The following COMMD10 variants were observed in gnomAD, a reference collection of about 807,000 sequenced individuals.
COMMD10 encodes COMM domain containing 10, also known as COMM domain-containing protein 10.
Under a neutral mutation model 28.9 loss-of-function variants are expected in COMMD10, and 33 were observed. The observed-to-expected ratio is 1.14, with a 90% CI of 0.87 to 1.53. The LOEUF is 1.53. COMMD10 is among the 40% of genes most tolerant of loss of function. The pLI, the probability that COMMD10 is intolerant of heterozygous loss-of-function variation, is 0.00. For synonymous variants in COMMD10, 110 were observed against 81.7 expected (o/e 1.35, Z -1.87); for missense variants, 310 against 233.4 (o/e 1.33, Z -2.14).
At chr5:116,206,092 T>G (rs976207475) in intron 5 of COMMD10, among the ~76,000 whole-genome samples, 1 of 152,226 alleles carries the variant, frequency 6.6e-6, no homozygotes, top group Non-Finnish European at 1.5e-5. Flanking sequence ...TGAAATATCT[T>G]CAGATCAAAC....
At chr5:116,104,006 A>G (rs573164281) in intron 4 of COMMD10, among the ~76,000 whole-genome samples, 11 of 152,236 alleles carry the variant, frequency 7.2e-5, no homozygotes, top group South Asian at 6.2e-4. Flanking sequence ...CCATTGGTCT[A>G]TATGTCTGTA....
chr5:116,233,815 G>A (rs1749589466), intron 5 of COMMD10, among the ~76,000 whole-genome samples: 2 of 152,088 alleles, frequency 1.3e-5, no homozygotes, highest in South Asian at 4.1e-4. Context: ...GGTGAGAGGG[G>A]TGTGGTAGGA....
At chr5:116,111,076 A>G (rs928150569) in intron 4 of COMMD10, among the ~76,000 whole-genome samples, 1 of 152,228 alleles carries the variant, frequency 6.6e-6, no homozygotes. Flanking sequence ...GTAGTTGTTC[A>G]TAATAGTCTC....
chr5:116,279,490 G>A (rs956255435), intron 5 of COMMD10, among the ~76,000 whole-genome samples: 2 of 151,742 alleles, frequency 1.3e-5, no homozygotes, highest in African/African-American at 2.4e-5. Context: ...CTTAAAGAAT[G>A]GGGACATTCC....
chr5:116,262,573 T>G (rs1027623505), intron 5 of COMMD10, among the ~76,000 whole-genome samples: 7 of 151,844 alleles, frequency 4.6e-5, no homozygotes, highest in African/African-American at 1.7e-4. Flanking sequence ...TCAAGTACAT[T>G]AATTATGTTT....
At chr5:116,124,027 T>G (rs1353483725) in intron 4 of COMMD10, among the ~76,000 whole-genome samples, 1 of 152,140 alleles carries the variant, frequency 6.6e-6, no homozygotes. Flanking sequence ...GGTTTCTGGA[T>G]TCATTGATGT....
In COMMD10 at chr5:116,103,899, A is replaced by G. The variant is rs149119597; in HGVS notation, c.399+11199A>G. Among the ~76,000 whole-genome samples the G allele has an allele frequency of 2.8e-3, 422 of 152,314 alleles. 1 individual carries two copies. Among genetic ancestry groups the G allele is most frequent in the Non-Finnish European group, 4.4e-3 (297 of 68,022 alleles). On this transcript the variant is annotated intron_variant, in intron 4 of 6. Coordinates refer to ENST00000274458, the MANE Select transcript of COMMD10 (RefSeq NM_016144.4). ...TAGTTTTCCCAGCACCATTTATTAC[A>G]TAGGGAATCCCTTCCCCATTTCTTG... is the stretch of plus-strand genomic sequence containing the variant.
intron 5 of COMMD10, among the ~76,000 whole-genome samples, chr5:116,152,047 G>GT (rs1018491554): frequency 1.4e-4 from 21 of 152,224 alleles, no homozygotes; most frequent in African/African-American, 4.8e-4. Context: ...AGAGATTCTG[G>GT]TATGTTGTGT....
At position 116,287,435 on chromosome 5, in the gene COMMD10, T is replaced by G. The variant is rs559680842; in HGVS notation, c.511-4082T>G. On this transcript the variant is annotated intron_variant, in intron 5 of 6. Transcript: ENST00000274458. ...TTACCATTTACACGGGATATCTTTTTCCATCCTTTCACTTTCAGCCTATGT... is the reference window on the plus strand; with the variant it reads ...TTACCATTTACACGGGATATCTTTTGCCATCCTTTCACTTTCAGCCTATGT... Among the ~76,000 whole-genome samples, 5 of 151,952 alleles carry G rather than the reference T, an allele frequency of 3.3e-5. No homozygotes were observed. The South Asian group carries it at 1.0e-3, about 32-fold the overall frequency.
At chr5:116,100,642 C>G (rs1750629579) in intron 4 of COMMD10, among the ~76,000 whole-genome samples, 1 of 147,622 alleles carries the variant, frequency 6.8e-6, no homozygotes, top group African/African-American at 2.5e-5. Context: ...CTTTTTATCT[C>G]TTATTGTTTA....
intron 5 of COMMD10, among the ~76,000 whole-genome samples, chr5:116,282,103 C>A (rs565292260): frequency 6.6e-6 from 1 of 151,980 alleles, no homozygotes; most frequent in African/African-American, 2.4e-5. Context: ...TGGATCCTGC[C>A]CTTCTTCAGA....
At position 116,226,202 on chromosome 5, in the gene COMMD10, A is replaced by G. The variant is rs576289792; in HGVS notation, c.511-65315A>G. Among the ~76,000 whole-genome samples the G allele has an allele frequency of 5.9e-5, 9 of 151,942 alleles. No individual in the cohort carries two copies. The South Asian group carries it at 1.2e-3, about 21-fold the overall frequency. ...TCAAGTAGTTTGTTTGCTTTAATCT[A>G]GTATCTTATTATTGGTATCTCTGGG... On this transcript the variant is annotated intron_variant, in intron 5 of 6. Coordinates refer to ENST00000274458, the MANE Select transcript of COMMD10 (RefSeq NM_016144.4).
chr5:116,188,197 G>C (rs1016352722), intron 5 of COMMD10, among the ~76,000 whole-genome samples: 12 of 152,104 alleles, frequency 7.9e-5, no homozygotes, highest in African/African-American at 2.4e-4. Context: ...TCTGTGACCT[G>C]TCATGATCAA....
intron 4 of COMMD10, among the ~76,000 whole-genome samples, chr5:116,121,762 G>A (rs1214536491): frequency 6.6e-6 from 1 of 152,172 alleles, no homozygotes; most frequent in African/African-American, 2.4e-5. Context: ...TGTGTCTGTT[G>A]GCTGTGTAGA....
Position 116,291,539 on chromosome 5 carries a change from A to T in COMMD10, c.533A>T (p.Glu178Val), listed in dbSNP as rs751467892. 6.2e-7 allele frequency: 1 copy of T among 1,602,710 alleles called. No individual in the cohort carries two copies. The highest frequency in any genetic ancestry group is 8.5e-7 in the Non-Finnish European group (1 of 1,173,908). The change falls in exon 6 of 7, where the codon GAA becomes GTA. Residue 178 changes from glutamate to valine, a missense_variant. By Grantham distance (121) the Glu-to-Val change is moderately radical. Coordinates refer to ENST00000274458, the MANE Select transcript of COMMD10 (RefSeq NM_016144.4). ...CAGAGCCTGGAGAAAGTTCTTGTGGAATTCAGTCACAAGGAGTTGTTTGAT... is the reference window on the plus strand; with the variant it reads ...CAGAGCCTGGAGAAAGTTCTTGTGGTATTCAGTCACAAGGAGTTGTTTGAT... ...DSKSLEKVLVEFSHKELFDFY... is the reference protein window; with the variant it reads ...DSKSLEKVLVVFSHKELFDFY...
chr5:116,182,919 G>A (rs748478146), intron 5 of COMMD10, among the ~76,000 whole-genome samples: 1 of 152,014 alleles, frequency 6.6e-6, no homozygotes, highest in Non-Finnish European at 1.5e-5. Flanking sequence ...GGTTTTTTAA[G>A]CATGTGGCAT....
At chr5:116,177,751 T>C (rs1400561966) in intron 5 of COMMD10, among the ~76,000 whole-genome samples, 1 of 152,192 alleles carries the variant, frequency 6.6e-6, no homozygotes, top group Admixed American at 6.6e-5. Context: ...AAAACTTATA[T>C]GCTACCTTGT....
intron 5 of COMMD10, among the ~76,000 whole-genome samples, chr5:116,142,824 G>C (rs1022576441): frequency 1.3e-5 from 2 of 151,692 alleles, no homozygotes; most frequent in Admixed American, 6.6e-5. Flanking sequence ...CAAGCAGTTA[G>C]AGAAAATAGA....
At chr5:116,226,892 G>A (rs1217759919) in intron 5 of COMMD10, among the ~76,000 whole-genome samples, 1 of 151,988 alleles carries the variant, frequency 6.6e-6, no homozygotes, top group Non-Finnish European at 1.5e-5. Flanking sequence ...TGGTCAGATT[G>A]CTGAGTTTCA....
Sources: allele counts gnomAD v4.1 joint callset (sites outside exome capture counted in the v4.1 genomes callset), GRCh38; gene constraint gnomAD v4.1.1; transcripts MANE v1.5; gene names NCBI Gene and HGNC (gene_info 2026-07-23, HGNC 2026-07-21).